The following CLUL1 variants were observed in gnomAD, a reference collection of about 807,000 sequenced individuals.
CLUL1 encodes clusterin-like protein 1.
CLUL1 carries 43 observed loss-of-function variants against 49.4 expected under a neutral mutation model. The observed-to-expected ratio is 0.87, with a 90% CI of 0.68 to 1.12. The LOEUF is 1.12. Among genes scored for constraint, CLUL1 ranks in the 50% most tolerant of loss-of-function variants. The pLI, the probability that CLUL1 is intolerant of heterozygous loss-of-function variation, is 0.00. For missense variants in CLUL1, 486 were observed against 544.4 expected (o/e 0.89, Z 1.07); for synonymous variants, 192 against 184.9 (o/e 1.04, Z -0.31).
At chr18:609,254 ACT>A (rs2073064731) in intron 2 of CLUL1, among the ~76,000 whole-genome samples, 1 of 152,122 alleles carries the variant, frequency 6.6e-6, no homozygotes, top group Non-Finnish European at 1.5e-5. Context: ...CCACAAGGAC[ACT>A]CTGTAGTTGT....
chr18:633,914 T>C (rs1205038825), intron 7 of CLUL1, among the ~76,000 whole-genome samples: 1 of 151,622 alleles, frequency 6.6e-6, no homozygotes. Flanking sequence ...AAATTAAGTT[T>C]AAAAGTAGAA....
intron 2 of CLUL1, among the ~76,000 whole-genome samples, chr18:611,286 G>T (rs1327115524): frequency 1.3e-5 from 2 of 148,620 alleles, no homozygotes; most frequent in East Asian, 3.9e-4. Context: ...GCATAATTGG[G>T]CTTCATTATT....
At chr18:626,910 A>G (rs1013632544) in intron 5 of CLUL1, among the ~76,000 whole-genome samples, 187 bp from the exon 6 acceptor site, 2 of 790 alleles carry the variant, frequency 2.5e-3, no homozygotes, top group South Asian at 0.5. Flanking sequence ...AAAGAAAGAA[A>G]GAAAGAAAGA....
At chr18:648,674 T>C (rs2144227165) in intron 9 of CLUL1, among the ~76,000 whole-genome samples, 1 of 152,326 alleles carries the variant, frequency 6.6e-6, no homozygotes, top group Middle Eastern at 3.4e-3. Context: ...ATTTCAATTT[T>C]TTGAGACAGT....
At chr18:599,746 C>T (rs1167809612) in intron 1 of CLUL1, among the ~76,000 whole-genome samples, 4 of 151,980 alleles carry the variant, frequency 2.6e-5, no homozygotes, top group Non-Finnish European at 4.4e-5. Context: ...TCCTGGCTAA[C>T]GCGGTGAAAC....
At chr18:612,945 A>G (rs1168882355) in intron 2 of CLUL1, 1 of 212,870 alleles carries the variant, frequency 4.7e-6, no homozygotes, top group Non-Finnish European at 9.3e-6. Flanking sequence ...CTTGATATTT[A>G]TATACATCCT....
chr18:644,920 G>A lies in CLUL1; in HGVS notation c.1220G>A (p.Arg407Lys), dbSNP rs2074430560. The change falls in exon 9 of 10, where the codon AGG (arginine) becomes AAG (lysine). Residue 407 changes from arginine (R) to lysine (K), a missense_variant. By Grantham distance (26) the Arg-to-Lys change is conservative (BLOSUM62 2). Transcript: ENST00000692774. ...IIFNSIQVVP[R>K]IHEGNISKQD... ...ATCCTTCTTCTGTAGGTAGTTCCAA[G>A]GATTCATGAAGGAAATATTTCCAAA... The A allele has an allele frequency of 1.2e-6, 2 of 1,610,520 alleles. No homozygotes were observed. Among genetic ancestry groups the A allele is most frequent in the East Asian group, 4.5e-5 (2 of 44,794 alleles).
intron 4 of CLUL1, among the ~76,000 whole-genome samples, chr18:619,580 A>G (rs1416355998): frequency 1.3e-5 from 2 of 152,156 alleles, no homozygotes; most frequent in South Asian, 4.1e-4. Context: ...AATCTGGGGG[A>G]TTCATCTCTG....
intron 6 of CLUL1, among the ~76,000 whole-genome samples, chr18:631,951 T>C (rs2074004117): frequency 6.6e-6 from 1 of 152,180 alleles, no homozygotes; most frequent in Admixed American, 6.5e-5. Context: ...AAACTGACTT[T>C]CTGGTCACCA....
chr18:621,300 G>C (rs560829), intron 4 of CLUL1, among the ~76,000 whole-genome samples: 139,248 of 152,200 alleles, frequency 0.91, 64,976 homozygotes, highest in East Asian at 1. Context: ...TACTTCTGAG[G>C]ATCATGGCCT....
At chr18:645,806 AAAAAATATATATATATATATATAT>A (rs2074473895) in intron 9 of CLUL1, among the ~76,000 whole-genome samples, 3 of 51,864 alleles carry the variant, frequency 5.8e-5, no homozygotes, top group African/African-American at 8.3e-5. Flanking sequence ...AAAAAAAAAA[AAAAAATATATATATATATATATAT>A]ATATATATAT....
At chr18:629,655 G>C (rs1289152726) in intron 6 of CLUL1, among the ~76,000 whole-genome samples, 1 of 152,146 alleles carries the variant, frequency 6.6e-6, no homozygotes, top group African/African-American at 2.4e-5. Flanking sequence ...TCTCAGTGAT[G>C]ACCTGGAAAG....
chr18:632,241 G>A (rs2074011470), intron 6 of CLUL1, among the ~76,000 whole-genome samples: 1 of 151,916 alleles, frequency 6.6e-6, no homozygotes, highest in Non-Finnish European at 1.5e-5. Flanking sequence ...AACTTGATTG[G>A]CTTTAGATAT....
In CLUL1 at chr18:639,677, A is replaced by G. The variant is rs140453218; in HGVS notation, c.995-1650A>G. ...CTACTCGGGAGGCTGAGGCACAAGT[A>G]TCACTTGATCCCAGGAAGCAGAGGT... is the stretch of plus-strand genomic sequence containing the variant. On this transcript the variant is annotated intron_variant, in intron 7 of 9. Transcript: ENST00000692774. Among the ~76,000 whole-genome samples, 1,200 of 152,154 alleles carry G rather than the reference A, an allele frequency of 7.9e-3. 12 individuals are homozygous for G. The highest frequency in any genetic ancestry group is 0.037 in the Middle Eastern group (11 of 294).
At position 625,039 on chromosome 18, in the gene CLUL1, G is replaced by C; in HGVS notation, c.423+7G>C. The C allele has an allele frequency of 6.2e-7, 1 of 1,612,632 alleles. No homozygotes were observed. The highest frequency in any genetic ancestry group is 8.5e-7 in the Non-Finnish European group (1 of 1,179,520). On this transcript the variant is annotated splice_region_variant and intron_variant, in intron 5 of 9. Coordinates refer to ENST00000692774, the MANE Select transcript of CLUL1 (RefSeq NM_001393344.1). Reference sequence around the variant, plus strand: ...GTCCTCTGTGAAAAATAAGGTAAGAGAAAAAGAGAGCTCAAGATTTCACAG... The same window carrying C: ...GTCCTCTGTGAAAAATAAGGTAAGACAAAAAGAGAGCTCAAGATTTCACAG...
intron 3 of CLUL1, 126 bp from the exon 4 acceptor site, chr18:619,087 T>A: frequency 1.2e-6 from 1 of 863,532 alleles, no homozygotes; most frequent in Non-Finnish European, 1.8e-6. Context: ...CATTATGATC[T>A]GCTTTCAGAA....
chr18:643,758 G>T (rs573956840), intron 8 of CLUL1, among the ~76,000 whole-genome samples: 1 of 152,266 alleles, frequency 6.6e-6, no homozygotes. Flanking sequence ...GTCAGGCAAT[G>T]TTCTAAGAAC....
chr18:602,165 G>A (rs1458238147), intron 1 of CLUL1, among the ~76,000 whole-genome samples: 1 of 152,180 alleles, frequency 6.6e-6, no homozygotes, highest in African/African-American at 2.4e-5. Flanking sequence ...ATTGTAGTTT[G>A]CTTTCACAAA....
At chr18:633,743 A>C (rs1007819484) in intron 7 of CLUL1, among the ~76,000 whole-genome samples, 13 of 151,856 alleles carry the variant, frequency 8.6e-5, no homozygotes, top group Non-Finnish European at 1.6e-4. Flanking sequence ...TAATTTAAAG[A>C]GAGTGACGAG....
Sources: allele counts gnomAD v4.1 joint callset (sites outside exome capture counted in the v4.1 genomes callset), GRCh38; gene constraint gnomAD v4.1.1; transcripts MANE v1.5; gene names NCBI Gene and HGNC (gene_info 2026-07-23, HGNC 2026-07-21).